PTPN13: variants seen among roughly 807,000 people sequenced by gnomAD.
PTPN13 encodes the protein protein tyrosine phosphatase non-receptor type 13, also known as tyrosine-protein phosphatase non-receptor type 13.
In PTPN13, 191 loss-of-function variants were observed where a neutral mutation model predicts 284.0. That is an observed-to-expected ratio of 0.67 (90% CI 0.60 to 0.76). The LOEUF is 0.76. Ranked by LOEUF, PTPN13 falls within the 30% of genes least tolerant of loss-of-function variation. The pLI is 0.00. For synonymous variants in PTPN13, 986 were observed against 1,022.3 expected (o/e 0.96, Z 0.68); for missense variants, 2,797 against 2,939.9 (o/e 0.95, Z 1.12).
chr4:86,606,278 G>T (rs962717049), intron 1 of PTPN13, among the ~76,000 whole-genome samples: 1 of 151,780 alleles, frequency 6.6e-6, no homozygotes, highest in Non-Finnish European at 1.5e-5. Context: ...TGGGATTGGG[G>T]CTGTATTTAA....
intron 10 of PTPN13, 28 bp downstream of exon 10, chr4:86,722,462 T>C (rs779341061): frequency 1.9e-6 from 3 of 1,571,158 alleles, no homozygotes; most frequent in Non-Finnish European, 2.6e-6. Context: ...TTACTACACA[T>C]CTAAACCTGC....
At chr4:86,757,373 TTTAC>T (rs1289919058) in intron 20 of PTPN13, among the ~76,000 whole-genome samples, 4 of 152,154 alleles carry the variant, frequency 2.6e-5, no homozygotes, top group Admixed American at 6.6e-5. Flanking sequence ...TAAAAATCTC[TTTAC>T]TTACTTGTGA....
intron 40 of PTPN13, among the ~76,000 whole-genome samples, chr4:86,789,839 T>C (rs1259388386): frequency 6.7e-6 from 1 of 148,532 alleles, no homozygotes; most frequent in African/African-American, 2.5e-5. Flanking sequence ...GGTATCACTG[T>C]AGCTTTTTTT....
At position 86,766,525 on chromosome 4, in the gene PTPN13, A is replaced by G. The variant is rs767825368; in HGVS notation, c.4329+8A>G. 9.5e-6 allele frequency: 15 copies of G among 1,581,960 alleles called. No homozygotes were observed. The highest frequency in any genetic ancestry group is 6.8e-5 in the African/African-American group (5 of 73,728). ...CTGAGAAATACAGGACAGGTAACAGATCATTATACCAACCTTTTACAGTAC... is the reference window on the plus strand; with the variant it reads ...CTGAGAAATACAGGACAGGTAACAGGTCATTATACCAACCTTTTACAGTAC... On this transcript the variant is annotated splice_region_variant and intron_variant, in intron 27 of 47. Coordinates refer to ENST00000411767, the MANE Select transcript of PTPN13 (RefSeq NM_080683.3).
chr4:86,709,350 C>A (rs983363767), intron 7 of PTPN13, among the ~76,000 whole-genome samples: 45 of 152,154 alleles, frequency 3.0e-4, no homozygotes, highest in Non-Finnish European at 5.9e-5. Flanking sequence ...GTACAGACCT[C>A]AAAAATTTGG....
intron 38 of PTPN13, 93 bp downstream of exon 38, chr4:86,784,651 A>G (rs10013114): frequency 0.099 from 74,944 of 758,386 alleles, 4,163 homozygotes; most frequent in Non-Finnish European, 0.11. Context: ...TTTGCTTTAT[A>G]TGTTACTGTA....
intron 5 of PTPN13, chr4:86,689,835 T>C (rs1729842453): frequency 4.4e-6 from 3 of 684,808 alleles, no homozygotes; most frequent in Non-Finnish European, 7.9e-6. Flanking sequence ...CTGTATTTTA[T>C]CTTGTTTGCC....
At chr4:86,751,003 C>G in intron 18 of PTPN13, 24 bp from the exon 19 acceptor site, 2 of 1,578,260 alleles carry the variant, frequency 1.3e-6, no homozygotes, top group Non-Finnish European at 1.7e-6. Context: ...ACACTTCCCT[C>G]CTACCTTCCT....
At chr4:86,715,548 C>T (rs1732924434) in intron 7 of PTPN13, among the ~76,000 whole-genome samples, 2 of 152,102 alleles carry the variant, frequency 1.3e-5, no homozygotes, top group Admixed American at 1.3e-4. Flanking sequence ...GCTATGACTG[C>T]ACCACTGCAC....
intron 7 of PTPN13, among the ~76,000 whole-genome samples, chr4:86,704,807 C>A (rs1371795141): frequency 6.6e-6 from 1 of 152,152 alleles, no homozygotes; most frequent in Non-Finnish European, 1.5e-5. Context: ...TATTTTACAA[C>A]CCAGTTAAAC....
At chr4:86,603,519 A>G in intron 1 of PTPN13, among the ~76,000 whole-genome samples, 1 of 152,154 alleles carries the variant, frequency 6.6e-6, no homozygotes, top group East Asian at 1.9e-4. Context: ...TTTTCTGTTA[A>G]AAATTATTTG....
chr4:86,622,954 T>C (rs1213914422), intron 1 of PTPN13, among the ~76,000 whole-genome samples: 1 of 152,216 alleles, frequency 6.6e-6, no homozygotes, highest in African/African-American at 2.4e-5. Context: ...CTTCCTGTCT[T>C]AGTTAATGGT....
chr4:86,609,856 G>A (rs1346835414), intron 1 of PTPN13, among the ~76,000 whole-genome samples: 1 of 152,050 alleles, frequency 6.6e-6, no homozygotes, highest in Non-Finnish European at 1.5e-5. Flanking sequence ...TGTACTTCGG[G>A]GGACTTAGAT....
chr4:86,750,539 T>G lies in PTPN13; in HGVS notation c.2720T>G (p.Ile907Ser). ...AGAGGATTTAATATGGGACGAGCAA[T>G]CAGCACTGGCAGTCTGGCCAGCAGC... ...SVRGFNMGRAISTGSLASSTL... is the reference protein window; with the variant it reads ...SVRGFNMGRASSTGSLASSTL... Residue 907 changes from isoleucine to serine, a missense_variant, in exon 18 of 48, where the codon ATC becomes AGC. Transcript: ENST00000411767. 1.2e-6 allele frequency: 2 copies of G among 1,613,928 alleles called. No homozygotes were observed. The highest frequency in any genetic ancestry group is 1.7e-6 in the Non-Finnish European group (2 of 1,179,856).
At chr4:86,696,571 T>G (rs1730619416) in intron 6 of PTPN13, among the ~76,000 whole-genome samples, 1 of 152,016 alleles carries the variant, frequency 6.6e-6, no homozygotes, top group Admixed American at 6.6e-5. Context: ...TAAGAAAGAT[T>G]TAGTATTATT....
intron 9 of PTPN13, among the ~76,000 whole-genome samples, chr4:86,721,698 GCTCCCTCCCCCT>G (rs1383797920): frequency 2.3e-5 from 1 of 42,878 alleles, no homozygotes; most frequent in Non-Finnish European, 4.6e-5. Flanking sequence ...CCTCTCCCCC[GCTCCCTCCCCCT>G]CTCCCTCCCC....
chr4:86,780,574 C>T (rs1291049783), intron 36 of PTPN13, 102 bp downstream of exon 36: 7 of 777,202 alleles, frequency 9.0e-6, no homozygotes, highest in Non-Finnish European at 1.6e-5. Context: ...AAAATTATAA[C>T]TTACACCTAA....
intron 2 of PTPN13, among the ~76,000 whole-genome samples, chr4:86,642,997 A>G (rs917723248): frequency 3.3e-5 from 5 of 152,150 alleles, no homozygotes; most frequent in Admixed American, 6.5e-5. Context: ...TTGTTATGGA[A>G]CTGTTGCTCT....
chr4:86,638,987 A>T (rs933359803), intron 2 of PTPN13, among the ~76,000 whole-genome samples: 6 of 152,210 alleles, frequency 3.9e-5, no homozygotes, highest in African/African-American at 1.4e-4. Flanking sequence ...TTTACAAGAA[A>T]AAAACAACCC....
Sources: allele counts gnomAD v4.1 joint callset (sites outside exome capture counted in the v4.1 genomes callset), GRCh38; gene constraint gnomAD v4.1.1; transcripts MANE v1.5; gene names NCBI Gene and HGNC (gene_info 2026-07-23, HGNC 2026-07-21).